The following ELMO2 variants were observed in gnomAD, a reference collection of about 807,000 sequenced individuals.
ELMO2 encodes engulfment and cell motility 2.
In ELMO2, 37 loss-of-function variants were observed where a neutral mutation model predicts 96.2. The observed-to-expected ratio is 0.38, with a 90% confidence interval of 0.30 to 0.51. The LOEUF (loss-of-function observed/expected upper bound fraction) is 0.51. ELMO2 is among the 20% of genes least tolerant of loss of function. ELMO2 has a pLI of 0.88. For synonymous variants in ELMO2, 315 were observed against 329.4 expected (o/e 0.96, Z 0.47); for missense variants, 561 against 912.6 (o/e 0.61, Z 4.96).
chr20:46,370,141 G>C (rs1266341127), intron 20 of ELMO2: 1 of 494,852 alleles, frequency 2.0e-6, no homozygotes, highest in Non-Finnish European at 3.7e-6. Flanking sequence ...TGGACTGGTG[G>C]CAATGTTATA....
chr20:46,379,873 G>GGTCGC, intron 11 of ELMO2: 1 of 164,598 alleles, frequency 6.1e-6, no homozygotes, highest in South Asian at 1.7e-4. Flanking sequence ...AAATACACTT[G>GGTCGC]CTTACTTAGT....
chr20:46,393,146 G>C lies in ELMO2; in HGVS notation c.193-3C>G. 2.5e-6 allele frequency: 4 copies of C among 1,613,638 alleles called. No individual in the cohort carries two copies. Among genetic ancestry groups the C allele is most frequent in the East Asian group, 2.2e-5 (1 of 44,884 alleles). ...CCATTCTTAATGTCACTGCGAGTCT[G>C]GGTAGTGAAAAATAAACAAAAAAAG... On this transcript the variant is annotated splice_polypyrimidine_tract_variant and splice_region_variant and intron_variant, in intron 5 of 21. Transcript: ENST00000290246.
At chr20:46,406,397 G>C (rs941381019) in intron 1 of ELMO2, among the ~76,000 whole-genome samples, 151 bp downstream of exon 1, 2 of 152,052 alleles carry the variant, frequency 1.3e-5, no homozygotes, top group Non-Finnish European at 2.9e-5. Flanking sequence ...GAGCCGGCGC[G>C]GTCCAGCCCA....
intron 13 of ELMO2, 56 bp from the exon 14 acceptor site, chr20:46,374,696 C>A: frequency 6.7e-7 from 1 of 1,495,936 alleles, no homozygotes; most frequent in Non-Finnish European, 9.3e-7. Context: ...TATGCAGGGA[C>A]CTGAGGGGAT....
chr20:46,371,415 G>C lies in ELMO2; in HGVS notation c.1738C>G (p.His580Asp), dbSNP rs1322513261. The C allele has an allele frequency of 6.2e-7, 1 of 1,614,120 alleles. No individual in the cohort carries two copies. ...GGGTTGTCATCCAAGTCACCATAGT[G>C]AAGGACCTTGTGGTTCAGTGCCAAC... Reference protein sequence around the residue: ...CRLALNHKVLHYGDLDDNPQG... With the variant: ...CRLALNHKVLDYGDLDDNPQG... Residue 580 changes from histidine (H) to aspartate (D), a missense_variant, in exon 19 of 22, where the codon CAC (histidine) becomes GAC (aspartate). Coordinates refer to ENST00000290246, the MANE Select transcript of ELMO2 (RefSeq NM_133171.5). This position sits in a 1 kb window ranked among gnomAD's most constrained non-coding sequence, Gnocchi z 5.9.
At chr20:46,405,272 G>A (rs1031000182) in intron 1 of ELMO2, among the ~76,000 whole-genome samples, 1 of 152,182 alleles carries the variant, frequency 6.6e-6, no homozygotes, top group African/African-American at 2.4e-5. Flanking sequence ...TCAGGGACAG[G>A]GATGCCTCCC....
chr20:46,391,258 C>G (rs1052754990), intron 6 of ELMO2, among the ~76,000 whole-genome samples: 1 of 152,110 alleles, frequency 6.6e-6, no homozygotes, highest in African/African-American at 2.4e-5. Flanking sequence ...GTCAGACAGA[C>G]CTGGGTCTGA....
chr20:46,367,628 C>G, intron 21 of ELMO2, 68 bp from the exon 22 acceptor site: 1 of 1,333,306 alleles, frequency 7.5e-7, no homozygotes, highest in South Asian at 1.4e-5. Context: ...GCCAAGGTCT[C>G]TTTTCTGATG....
chr20:46,402,162 A>T (rs916467215), intron 1 of ELMO2, among the ~76,000 whole-genome samples: 6 of 152,226 alleles, frequency 3.9e-5, no homozygotes, highest in Non-Finnish European at 8.8e-5. Flanking sequence ...ATAAACTCTC[A>T]GATGCTCAGG....
chr20:46,395,137 G>A (rs1176892859), intron 2 of ELMO2, among the ~76,000 whole-genome samples: 2 of 152,158 alleles, frequency 1.3e-5, no homozygotes, highest in Non-Finnish European at 2.9e-5. Context: ...TACTGCCAAG[G>A]GCAAGGGCGG....
chr20:46,387,954 AGAC>A (rs1407626083), intron 7 of ELMO2, among the ~76,000 whole-genome samples: 6 of 152,366 alleles, frequency 3.9e-5, no homozygotes, highest in African/African-American at 1.4e-4. Context: ...AGGGTTGTGG[AGAC>A]GACAAGATGA....
chr20:46,372,503 C>T (rs573418472), intron 16 of ELMO2, among the ~76,000 whole-genome samples: 3 of 152,216 alleles, frequency 2.0e-5, no homozygotes, highest in African/African-American at 2.4e-5. Context: ...TGGTGGCTCA[C>T]GCCTGTAGTC....
intron 2 of ELMO2, among the ~76,000 whole-genome samples, chr20:46,395,571 C>T (rs2060229329): frequency 6.6e-6 from 1 of 152,172 alleles, no homozygotes; most frequent in Admixed American, 6.5e-5. Context: ...ATAGCTGTCG[C>T]GAGGCTATTA....
intron 4 of ELMO2, 85 bp from the exon 5 acceptor site, chr20:46,393,686 A>G (rs2060196710): frequency 6.9e-7 from 1 of 1,451,726 alleles, no homozygotes; most frequent in Non-Finnish European, 9.6e-7. Flanking sequence ...AGAGTTGCTC[A>G]AGGGATTGGG....
In ELMO2 at chr20:46,395,392, C is replaced by T. The variant is rs144657351; in HGVS notation, c.-50-860G>A. ...TCTCCAAGGTCTGACGAAGGGAAGT[C>T]ACTTGGCTGATGGATTATTTCAATG... On this transcript the variant is annotated intron_variant, in intron 2 of 21. Transcript: ENST00000290246. Among the ~76,000 whole-genome samples the T allele has an allele frequency of 2.5e-3, 383 of 152,282 alleles. 9 individuals carry two copies. The East Asian group carries it at 0.056, about 22-fold the overall frequency.
At chr20:46,389,350 G>A (rs1380149840) in intron 6 of ELMO2, 130 bp from the exon 7 acceptor site, 1 of 888,188 alleles carries the variant, frequency 1.1e-6, no homozygotes, top group East Asian at 2.5e-5. Context: ...CACAGCTTAG[G>A]AGTTGCTAAA....
rs759659077 is a variant in ELMO2, at chr20:46,394,094, A to AAG, written c.79-7_79-6dup. On this transcript the variant is annotated splice_region_variant and splice_polypyrimidine_tract_variant and intron_variant, in intron 3 of 21. Coordinates refer to ENST00000290246, the MANE Select transcript of ELMO2 (RefSeq NM_133171.5). ...AATGGATGCCAGGGGCCGTTTCTGA[A>AAG]AGAGAGAGAGAGAAAGCCTTCAACA... is the stretch of plus-strand genomic sequence containing the variant. The AAG allele has an allele frequency of 4.3e-6, 7 of 1,612,396 alleles. No homozygotes were observed. The South Asian group carries it at 4.4e-5, about 10-fold the overall frequency.
chr20:46,405,188 G>A (rs575341072), intron 1 of ELMO2, among the ~76,000 whole-genome samples: 1 of 152,342 alleles, frequency 6.6e-6, no homozygotes, highest in East Asian at 1.9e-4. Context: ...GTAAATAAAT[G>A]TAAAATTGCA....
At chr20:46,368,025 A>G (rs1253606089) in intron 21 of ELMO2, among the ~76,000 whole-genome samples, 1 of 152,160 alleles carries the variant, frequency 6.6e-6, no homozygotes, top group Non-Finnish European at 1.5e-5. Context: ...TACTAAAGAA[A>G]TGGAACTGGT....
Sources: allele counts gnomAD v4.1 joint callset (sites outside exome capture counted in the v4.1 genomes callset), GRCh38; gene constraint gnomAD v4.1.1; non-coding constraint Gnocchi (gnomAD v3.1); transcripts MANE v1.5; gene names NCBI Gene and HGNC (gene_info 2026-07-23, HGNC 2026-07-21).